The following BPGM variants were observed in gnomAD, a reference collection of about 807,000 sequenced individuals.
BPGM encodes 2,3-bisphosphoglycerate mutase, erythrocyte.
A neutral mutation model predicts 21.6 loss-of-function variants in BPGM; 15 were observed. The observed-to-expected ratio is 0.70, with a 90% CI of 0.47 to 1.07. BPGM has a LOEUF of 1.07. BPGM is among the 50% of genes least tolerant of loss of function. The probability of loss-of-function intolerance (pLI) is 0.00; values close to 1 mark genes in which losing one functional copy is unlikely to be tolerated. For missense variants in BPGM, 273 were observed against 319.0 expected (o/e 0.86, Z 1.10); for synonymous variants, 113 against 116.2 (o/e 0.97, Z 0.18).
chr7:134,667,881 T>G (rs1009288599), intron 2 of BPGM, among the ~76,000 whole-genome samples: 1 of 152,188 alleles, frequency 6.6e-6, no homozygotes, highest in African/African-American at 2.4e-5. Flanking sequence ...GACAGCATAC[T>G]GTCCTATCAG....
chr7:134,671,556 G>A (rs998655814), intron 2 of BPGM, among the ~76,000 whole-genome samples: 1 of 151,912 alleles, frequency 6.6e-6, no homozygotes, highest in Non-Finnish European at 1.5e-5. Flanking sequence ...TATTAGAGAC[G>A]GGGTTTCACT....
At chr7:134,655,064 G>T (rs1345605435) in intron 1 of BPGM, among the ~76,000 whole-genome samples, 1 of 152,156 alleles carries the variant, frequency 6.6e-6, no homozygotes, top group Non-Finnish European at 1.5e-5. Context: ...GTAAATTATT[G>T]ATTAAAATCG....
intron 1 of BPGM, among the ~76,000 whole-genome samples, chr7:134,655,105 G>C (rs539739748): frequency 6.6e-6 from 1 of 152,178 alleles, no homozygotes; most frequent in South Asian, 2.1e-4. Flanking sequence ...TTTGCTATGG[G>C]ATAAATGAGA....
intron 1 of BPGM, among the ~76,000 whole-genome samples, chr7:134,651,628 T>C (rs1391335684): frequency 6.6e-6 from 1 of 152,200 alleles, no homozygotes; most frequent in East Asian, 1.9e-4. Flanking sequence ...CCTTAGTAAA[T>C]GCAGTGCCTT....
At chr7:134,650,112 A>G (rs1343053754) in intron 1 of BPGM, among the ~76,000 whole-genome samples, 2 of 152,254 alleles carry the variant, frequency 1.3e-5, no homozygotes, top group Admixed American at 6.5e-5. Flanking sequence ...GTCAGTCAGT[A>G]GCAGAGCTGG....
chr7:134,658,182 A>G (rs2131424613), intron 1 of BPGM, among the ~76,000 whole-genome samples: 1 of 151,896 alleles, frequency 6.6e-6, no homozygotes, highest in South Asian at 2.1e-4. Flanking sequence ...AGTAGTAGGT[A>G]CTCCTTTGAT....
intron 2 of BPGM, among the ~76,000 whole-genome samples, chr7:134,674,489 A>C (rs576337590): frequency 3.6e-4 from 55 of 152,314 alleles, no homozygotes; most frequent in African/African-American, 1.2e-3. Context: ...ATTTCATGTA[A>C]ATGGACTTAT....
chr7:134,661,859 A>T lies in BPGM; in HGVS notation c.352A>T (p.Ser118Cys), dbSNP rs1162030476. The T allele has an allele frequency of 6.2e-7, 1 of 1,607,650 alleles. No individual in the cohort carries two copies. The highest frequency in any genetic ancestry group is 8.5e-7 in the Non-Finnish European group (1 of 1,176,108). ...AGAACAAGTGAGGCTCTGGAGAAGAAGCTACAATGTAACCCCGCCTCCCAT... is the reference window on the plus strand; with the variant it reads ...AGAACAAGTGAGGCTCTGGAGAAGATGCTACAATGTAACCCCGCCTCCCAT... Reference protein sequence around the residue: ...GEEQVRLWRRSYNVTPPPIEE... With the variant: ...GEEQVRLWRRCYNVTPPPIEE... The change falls in exon 2 of 3, where the codon AGC becomes TGC. Residue 118 changes from serine (S) to cysteine (C), a missense_variant. Physicochemically the swap from Ser to Cys is moderately radical, Grantham distance 112 (BLOSUM62 -1). Transcript: ENST00000344924. This position sits in a 1 kb window ranked among gnomAD's most constrained non-coding sequence, Gnocchi z 4.6.
intron 1 of BPGM, among the ~76,000 whole-genome samples, chr7:134,647,824 C>T (rs948392463): frequency 2.0e-5 from 3 of 152,160 alleles, no homozygotes; most frequent in Admixed American, 2.0e-4. Flanking sequence ...AACGGAGTCT[C>T]GCTCTGTCGC....
Position 134,664,319 on chromosome 7 carries a change from A to G in BPGM, c.601+2211A>G, listed in dbSNP as rs549361833. On this transcript the variant is annotated intron_variant, in intron 2 of 2. Coordinates refer to ENST00000344924, the MANE Select transcript of BPGM (RefSeq NM_001724.5). ...GCTCTCTCTGATGACTCTAGGAGAC[A>G]ATTCTTCCTTGCCTTGGCTAGCTTC... 1.4e-4 allele frequency among the ~76,000 whole-genome samples: 21 copies of G among 152,236 alleles called. 2 individuals carry two copies. The South Asian group carries it at 3.9e-3, about 29-fold the overall frequency.
intron 2 of BPGM, among the ~76,000 whole-genome samples, chr7:134,668,329 CT>C (rs200551456): frequency 0.028 from 4,188 of 152,284 alleles, 87 homozygotes; most frequent in Non-Finnish European, 0.041. Flanking sequence ...GGCTTTAAAA[CT>C]TTTTTCTAAA....
chr7:134,650,904 G>A (rs769684348), intron 1 of BPGM, among the ~76,000 whole-genome samples: 3 of 152,328 alleles, frequency 2.0e-5, no homozygotes, highest in Non-Finnish European at 2.9e-5. Context: ...CAGCCTGGGC[G>A]ACAGAGTGAG....
At position 134,661,402 on chromosome 7, in the gene BPGM, T is replaced by C. The variant is rs1372362693; in HGVS notation, c.-61-45T>C. On this transcript the variant is annotated intron_variant, in intron 1 of 2. Transcript: ENST00000344924. This position sits in a 1 kb window ranked among gnomAD's most constrained non-coding sequence, Gnocchi z 4.6. ...GTAAAGCGATGTTTCTATTCCTAGA[T>C]TGTCAGTTGAATATAACTTAGACTT... 2.6e-6 allele frequency: 4 copies of C among 1,511,810 alleles called. No individual in the cohort carries two copies. The highest frequency in any genetic ancestry group is 3.6e-6 in the Non-Finnish European group (4 of 1,095,984). The allele number at this position is 1,511,810 out of a possible 1,614,324, so 93.6% of individuals were successfully genotyped here.
Position 134,678,956 on chromosome 7 carries a change from G to A in BPGM, c.705G>A (p.Leu235=). ...NLRAVGPHQF[L]GDQEAIQAAI... is the part of the protein sequence containing the mutation. ...GTGCTGTTGGGCCTCATCAGTTCCT[G>A]GGTGACCAAGAGGCGATCCAAGCAG... Residue 235 remains leucine (L), a synonymous_variant, in exon 3 of 3, where the codon CTG becomes CTA. Coordinates refer to ENST00000344924, the MANE Select transcript of BPGM (RefSeq NM_001724.5). 1 of 1,614,080 alleles carries A rather than the reference G, an allele frequency of 6.2e-7. No homozygotes were observed. Among genetic ancestry groups the A allele is most frequent in the East Asian group, 2.2e-5 (1 of 44,882 alleles).
chr7:134,664,089 A>G (rs766807600), intron 2 of BPGM, among the ~76,000 whole-genome samples: 3 of 152,296 alleles, frequency 2.0e-5, no homozygotes, highest in Non-Finnish European at 2.9e-5. Context: ...CAAATGGTGT[A>G]CCTGCTTTGG....
At chr7:134,659,039 A>G (rs1795687685) in intron 1 of BPGM, among the ~76,000 whole-genome samples, 1 of 152,102 alleles carries the variant, frequency 6.6e-6, no homozygotes, top group African/African-American at 2.4e-5. Flanking sequence ...TATAGTTTAT[A>G]ATCAAAAGAT....
At position 134,674,800 on chromosome 7, in the gene BPGM, T is replaced by C. The variant is rs182640193; in HGVS notation, c.602-4053T>C. On this transcript the variant is annotated intron_variant, in intron 2 of 2. Transcript: ENST00000344924. ...GCTTAGTAGTGGAATTGCTGGGTCA[T>C]ATGGTAGATCTGTGTTTAACAAAAG... Among the ~76,000 whole-genome samples, 179 of 152,350 alleles carry C rather than the reference T, an allele frequency of 1.2e-3. 1 individual carries two copies. Among genetic ancestry groups the C allele is most frequent in the Admixed American group, 0.01 (155 of 15,310 alleles).
At chr7:134,664,379 T>C (rs976543214) in intron 2 of BPGM, among the ~76,000 whole-genome samples, 1 of 152,206 alleles carries the variant, frequency 6.6e-6, no homozygotes, top group Non-Finnish European at 1.5e-5. Context: ...TTCTGTGGCT[T>C]GCAGAAGCAT....
chr7:134,664,203 G>A lies in BPGM; in HGVS notation c.601+2095G>A, dbSNP rs1047329678. Among the ~76,000 whole-genome samples, 6 of 152,120 alleles carry A rather than the reference G, an allele frequency of 3.9e-5. No individual in the cohort carries two copies. In the East Asian group the frequency reaches 5.8e-4, roughly 15 times the overall value. ...GCTATATTAGCTTCCCAGTGCTGCC[G>A]TAAGAAAACAACCAAACTGGGTGGG... On this transcript the variant is annotated intron_variant, in intron 2 of 2. Coordinates refer to ENST00000344924, the MANE Select transcript of BPGM (RefSeq NM_001724.5).
Sources: allele counts gnomAD v4.1 joint callset (sites outside exome capture counted in the v4.1 genomes callset), GRCh38; gene constraint gnomAD v4.1.1; non-coding constraint Gnocchi (gnomAD v3.1); transcripts MANE v1.5; gene names NCBI Gene and HGNC (gene_info 2026-07-23, HGNC 2026-07-21).